The following EPB41L3 variants were observed in gnomAD, a reference collection of about 807,000 sequenced individuals.
The protein encoded by EPB41L3 is band 4.1-like protein 3.
Under a neutral mutation model 127.1 loss-of-function variants are expected in EPB41L3, and 57 were observed. The ratio of observed to expected loss-of-function variants is 0.45; its 90% CI spans 0.36 to 0.56. EPB41L3 has a LOEUF of 0.56. Ranked by LOEUF, EPB41L3 falls within the 20% of genes least tolerant of loss-of-function variation. The pLI is 0.00. For synonymous variants in EPB41L3, 572 were observed against 549.5 expected (o/e 1.04, Z -0.57); for missense variants, 1,273 against 1,372.2 (o/e 0.93, Z 1.14).
intron 1 of EPB41L3, among the ~76,000 whole-genome samples, chr18:5,508,649 C>G (rs141455119): frequency 0.021 from 3,242 of 151,690 alleles, 69 homozygotes; most frequent in East Asian, 0.096. Flanking sequence ...CATCTGTAAT[C>G]CCAGCTACTC....
At chr18:5,597,518 T>C (rs899346424) in intron 3 of EPB41L3, among the ~76,000 whole-genome samples, 1 of 152,236 alleles carries the variant, frequency 6.6e-6, no homozygotes, top group Admixed American at 6.5e-5. Context: ...TGTATTCTAC[T>C]GTTTATTTTA....
At chr18:5,607,718 T>TTAG (rs1409929775) in intron 3 of EPB41L3, among the ~76,000 whole-genome samples, 1 of 152,204 alleles carries the variant, frequency 6.6e-6, no homozygotes, top group East Asian at 1.9e-4. Flanking sequence ...GTTCTTCACT[T>TTAG]ATCTAGAGAC....
intron 16 of EPB41L3, 166 bp from the exon 17 acceptor site, chr18:5,398,309 A>G: frequency 1.3e-6 from 1 of 780,648 alleles, no homozygotes; most frequent in Non-Finnish European, 2.1e-6. Flanking sequence ...AATAAAATAG[A>G]AAACCAGGTG....
Position 5,523,345 on chromosome 18 carries a change from T to G in EPB41L3, c.-12+20568A>C, listed in dbSNP as rs532120527. On this transcript the variant is annotated intron_variant, in intron 1 of 22. Coordinates refer to ENST00000341928, the MANE Select transcript of EPB41L3 (RefSeq NM_012307.5). ...TGTTTCTTTTCTTCTTCAAACTAGCTTAAATTGGGCTTCTGTCAATTGAAA... is the reference window on the plus strand; with the variant it reads ...TGTTTCTTTTCTTCTTCAAACTAGCGTAAATTGGGCTTCTGTCAATTGAAA... Among the ~76,000 whole-genome samples the G allele has an allele frequency of 2.6e-5, 4 of 152,338 alleles. No homozygotes were observed. In the South Asian group the frequency reaches 8.3e-4, roughly 32 times the overall value.
chr18:5,587,718 A>G (rs2094452962), intron 3 of EPB41L3, among the ~76,000 whole-genome samples: 1 of 152,298 alleles, frequency 6.6e-6, no homozygotes, highest in African/African-American at 2.4e-5. Flanking sequence ...AACAACCAAC[A>G]AAGTGTTAAA....
At chr18:5,621,905 T>C (rs2094867073) in intron 1 of EPB41L3, among the ~76,000 whole-genome samples, 1 of 152,230 alleles carries the variant, frequency 6.6e-6, no homozygotes, top group African/African-American at 2.4e-5. Flanking sequence ...CAAGGCTAAA[T>C]ATCTATGATA....
At chr18:5,590,060 T>C (rs1362052038) in intron 3 of EPB41L3, among the ~76,000 whole-genome samples, 3 of 152,180 alleles carry the variant, frequency 2.0e-5, no homozygotes, top group African/African-American at 7.2e-5. Context: ...CCATTTATTT[T>C]CCACTGAGGG....
At chr18:5,602,710 T>C (rs1402011829) in intron 3 of EPB41L3, among the ~76,000 whole-genome samples, 1 of 152,164 alleles carries the variant, frequency 6.6e-6, no homozygotes, top group African/African-American at 2.4e-5. Flanking sequence ...CCTCTCAAAG[T>C]GCTGGGATTA....
At chr18:5,555,999 C>G (rs1034117584) in intron 3 of EPB41L3, among the ~76,000 whole-genome samples, 1 of 152,170 alleles carries the variant, frequency 6.6e-6, no homozygotes, top group South Asian at 2.1e-4. Flanking sequence ...GTGTGTGTGG[C>G]GATTCCATGA....
upstream of EPB41L3, chr18:5,544,020 C>A (rs532829818): frequency 7.1e-6 from 7 of 985,534 alleles, no homozygotes; most frequent in African/African-American, 3.5e-5. Flanking sequence ...GAAGCCGCAG[C>A]CCAGGGCTGC....
chr18:5,573,840 G>C (rs192487228), intron 3 of EPB41L3, among the ~76,000 whole-genome samples: 1 of 151,638 alleles, frequency 6.6e-6, no homozygotes, highest in Non-Finnish European at 1.5e-5. Context: ...AGAGAGCTCA[G>C]ACGAAGAATT....
chr18:5,489,135 C>T lies in EPB41L3; in HGVS notation c.49G>A (p.Ala17Thr). The T allele has an allele frequency of 6.3e-7, 1 of 1,594,472 alleles. No individual in the cohort carries two copies. The highest frequency in any genetic ancestry group is 8.5e-7 in the Non-Finnish European group (1 of 1,174,868). The change falls in exon 2 of 23, where the codon GCC becomes ACC. Residue 17 changes from alanine (A) to threonine (T), a missense_variant. Around this residue, in one of 3 missense-constraint regions of EPB41L3, gnomAD observed 182 missense variants for 149.2 expected, o/e 1.22. Coordinates refer to ENST00000341928, the MANE Select transcript of EPB41L3 (RefSeq NM_012307.5). ...SDSESKPDQE[A>T]EPQEAAGAQG... Reference sequence around the variant, plus strand: ...GCCCCCGCCGCCTCCTGGGGCTCGGCCTCCTGGTCCGGCTTGGATTCCGAG... The same window carrying T: ...GCCCCCGCCGCCTCCTGGGGCTCGGTCTCCTGGTCCGGCTTGGATTCCGAG...
At chr18:5,544,935 T>C (rs189891539), upstream of EPB41L3, among the ~76,000 whole-genome samples, 1,290 of 152,178 alleles carry the variant, frequency 8.5e-3, 5 homozygotes, top group Non-Finnish European at 0.015. Context: ...CCACAAAAAT[T>C]GAAAATAAAA....
chr18:5,394,863 G>A, intron 21 of EPB41L3, 70 bp from the exon 22 acceptor site: 1 of 1,419,898 alleles, frequency 7.0e-7, no homozygotes, highest in African/African-American at 1.4e-5. Flanking sequence ...GTGGTGAGGT[G>A]GAGACTTATG....
intron 1 of EPB41L3, among the ~76,000 whole-genome samples, chr18:5,625,272 A>AT (rs951113137): frequency 7.2e-5 from 11 of 151,972 alleles, no homozygotes; most frequent in African/African-American, 2.7e-4. Context: ...GATAATTACC[A>AT]TAACAATCCA....
chr18:5,423,641 G>A (rs2145245441), intron 10 of EPB41L3, 88 bp from the exon 11 acceptor site: 7 of 1,202,446 alleles, frequency 5.8e-6, no homozygotes, highest in Non-Finnish European at 8.0e-6. Context: ...GAGGTCATGT[G>A]TTTTGCATGC....
intron 1 of EPB41L3, among the ~76,000 whole-genome samples, chr18:5,625,092 C>A: frequency 6.6e-6 from 1 of 152,048 alleles, no homozygotes. Context: ...CACTTAGATA[C>A]AGGAGAGCAA....
intron 3 of EPB41L3, among the ~76,000 whole-genome samples, chr18:5,598,701 T>C (rs565590626): frequency 4.2e-4 from 64 of 152,296 alleles, no homozygotes; most frequent in Middle Eastern, 6.8e-3. Flanking sequence ...AAGGCTCTCA[T>C]TGCTGGAGAA....
chr18:5,424,391 G>C, intron 9 of EPB41L3, 32 bp from the exon 10 acceptor site: 1 of 1,508,998 alleles, frequency 6.6e-7, no homozygotes, highest in Non-Finnish European at 9.0e-7. Context: ...GAAGAGTAAA[G>C]TTTAAAATTA....
Sources: allele counts gnomAD v4.1 joint callset (sites outside exome capture counted in the v4.1 genomes callset), GRCh38; gene constraint gnomAD v4.1.1; regional missense constraint gnomAD v4.1.1; transcripts MANE v1.5; gene names NCBI Gene and HGNC (gene_info 2026-07-23, HGNC 2026-07-21).